The following STXBP3 variants were observed in gnomAD, a reference collection of about 807,000 sequenced individuals.
STXBP3 encodes syntaxin-binding protein 3.
Under a neutral mutation model 85.7 loss-of-function variants are expected in STXBP3, and 41 were observed. The ratio of observed to expected loss-of-function variants is 0.48; its 90% confidence interval spans 0.37 to 0.62. STXBP3 has a LOEUF of 0.62. STXBP3 is among the 20% of genes least tolerant of loss of function. The pLI is 0.00. For missense variants in STXBP3, 563 were observed against 703.1 expected (o/e 0.80, Z 2.25); for synonymous variants, 229 against 231.7 (o/e 0.99, Z 0.10).
At chr1:108,791,659 C>G (rs1317585105) in intron 11 of STXBP3, among the ~76,000 whole-genome samples, 1 of 152,002 alleles carries the variant, frequency 6.6e-6, no homozygotes, top group Non-Finnish European at 1.5e-5. Flanking sequence ...CTTTTGAAAA[C>G]TGAGGTATAA....
intron 12 of STXBP3, 133 bp from the exon 13 acceptor site, chr1:108,794,694 T>A: frequency 1.5e-6 from 1 of 685,592 alleles, no homozygotes; most frequent in Non-Finnish European, 2.5e-6. Context: ...TCTTGAGCTG[T>A]TCCCTTGCTT....
intron 18 of STXBP3, among the ~76,000 whole-genome samples, chr1:108,808,268 T>C (rs1180440214): frequency 2.6e-5 from 4 of 152,158 alleles, no homozygotes; most frequent in Non-Finnish European, 5.9e-5. Context: ...TTCCAGCACT[T>C]TGGGAGGCCA....
intron 16 of STXBP3, among the ~76,000 whole-genome samples, chr1:108,798,628 C>G (rs941322108): frequency 2.0e-5 from 3 of 151,926 alleles, no homozygotes; most frequent in African/African-American, 7.3e-5. Context: ...GTTGGCCAGG[C>G]TGGTCTCGAA....
At chr1:108,749,763 T>C (rs1043666516) in intron 1 of STXBP3, among the ~76,000 whole-genome samples, 42 of 152,192 alleles carry the variant, frequency 2.8e-4, no homozygotes, top group African/African-American at 1.0e-3. Flanking sequence ...ATTCTTTTTA[T>C]TTTTTCGTCT....
intron 17 of STXBP3, among the ~76,000 whole-genome samples, chr1:108,803,896 T>C (rs970913411): frequency 1.1e-4 from 16 of 152,242 alleles, no homozygotes; most frequent in African/African-American, 3.6e-4. Flanking sequence ...GTAGAAAATA[T>C]TCTGCTGTTT....
chr1:108,759,851 A>G (rs928445053), intron 5 of STXBP3, 134 bp from the exon 6 acceptor site: 11 of 560,832 alleles, frequency 2.0e-5, no homozygotes, highest in Non-Finnish European at 3.4e-5. Flanking sequence ...AACAATATTT[A>G]TATATTATTT....
intron 6 of STXBP3, among the ~76,000 whole-genome samples, chr1:108,767,902 A>G (rs540229508): frequency 1.8e-4 from 27 of 152,242 alleles, no homozygotes; most frequent in African/African-American, 5.5e-4. Flanking sequence ...GAATTATTAC[A>G]TCATCATTTG....
intron 6 of STXBP3, among the ~76,000 whole-genome samples, chr1:108,771,566 A>G (rs868291318): frequency 7.5e-4 from 21 of 28,046 alleles, no homozygotes; most frequent in Admixed American, 1.1e-3. Context: ...ATGATATATA[A>G]ATATATATGA....
intron 6 of STXBP3, among the ~76,000 whole-genome samples, chr1:108,772,327 T>A (rs1264953599): frequency 4.2e-5 from 3 of 70,696 alleles, no homozygotes; most frequent in South Asian, 8.1e-4. Context: ...ACATATGATA[T>A]CTGTATCATA....
At chr1:108,800,404 A>G (rs766162163) in intron 17 of STXBP3, 99 bp downstream of exon 17, 1 of 793,688 alleles carries the variant, frequency 1.3e-6, no homozygotes, top group South Asian at 1.7e-5. Flanking sequence ...TCTTTCAAGT[A>G]TATAATCCTG....
chr1:108,757,715 G>T (rs979798478), intron 4 of STXBP3, among the ~76,000 whole-genome samples: 14 of 151,914 alleles, frequency 9.2e-5, no homozygotes, highest in Admixed American at 2.6e-4. Flanking sequence ...AAAATAGTTT[G>T]TAATTTGTTA....
intron 16 of STXBP3, among the ~76,000 whole-genome samples, chr1:108,799,656 C>T (rs992038108): frequency 6.6e-6 from 1 of 151,800 alleles, no homozygotes; most frequent in Non-Finnish European, 1.5e-5. Flanking sequence ...GCACACCTAA[C>T]CATAAAAAAA....
intron 11 of STXBP3, among the ~76,000 whole-genome samples, chr1:108,785,972 T>C (rs1367041141): frequency 6.6e-6 from 1 of 152,180 alleles, no homozygotes; most frequent in Non-Finnish European, 1.5e-5. Flanking sequence ...CTTTCCCACA[T>C]TTTCCTGTCT....
chr1:108,776,233 ATTT>A (rs61686964), intron 7 of STXBP3, 97 bp from the exon 8 acceptor site: 1 of 712,280 alleles, frequency 1.4e-6, no homozygotes, highest in African/African-American at 1.8e-5. Flanking sequence ...TTTTGTAAAC[ATTT>A]TTTAAATTTC....
At chr1:108,777,768 T>C (rs1690731) in intron 8 of STXBP3, among the ~76,000 whole-genome samples, 107,165 of 152,018 alleles carry the variant, frequency 0.7, 38,767 homozygotes, top group Non-Finnish European at 0.77. Context: ...AGTGTCACCT[T>C]ATTTTTGAAG....
At chr1:108,797,188 C>G (rs920990682) in intron 15 of STXBP3, among the ~76,000 whole-genome samples, 2 of 151,704 alleles carry the variant, frequency 1.3e-5, no homozygotes, top group African/African-American at 4.8e-5. Context: ...GACCTCGCCT[C>G]TACAAAAAAC....
intron 6 of STXBP3, among the ~76,000 whole-genome samples, chr1:108,763,280 A>G (rs1455711280): frequency 6.6e-6 from 1 of 152,136 alleles, no homozygotes; most frequent in East Asian, 1.9e-4. Context: ...AACCAACCCA[A>G]ATTATATTTA....
Position 108,759,969 on chromosome 1 carries a change from T to G in STXBP3, c.338-16T>G. 1 of 1,482,654 alleles carries G rather than the reference T, an allele frequency of 6.7e-7. No homozygotes were observed. Among genetic ancestry groups the G allele is most frequent in the Non-Finnish European group, 9.2e-7 (1 of 1,090,972 alleles). The allele number at this position is 1,482,654 out of a possible 1,614,324, so 91.8% of individuals were successfully genotyped here. On this transcript the variant is annotated splice_polypyrimidine_tract_variant and intron_variant, in intron 5 of 18. Coordinates refer to ENST00000370008, the MANE Select transcript of STXBP3 (RefSeq NM_007269.4). ...ATCTAGATGTAACTATATGCTTTGT[T>G]TTTTTTTCCCCTCAGTTTGCCCTGA...
intron 3 of STXBP3, among the ~76,000 whole-genome samples, chr1:108,755,085 G>GA (rs1185722092): frequency 6.6e-6 from 1 of 151,264 alleles, no homozygotes; most frequent in Admixed American, 6.6e-5. Flanking sequence ...ACAAAATCGG[G>GA]AAAAAAAATG....
Sources: gnomAD v4.1 joint callset for allele counts (sites outside exome capture counted in the v4.1 genomes callset) on GRCh38, gnomAD v4.1.1 for gene constraint, MANE v1.5 for transcripts, NCBI Gene and HGNC (gene_info 2026-07-23, HGNC 2026-07-21) for gene names.